AHNAK: variants seen among roughly 807,000 people sequenced by gnomAD.
The protein encoded by AHNAK is AHNAK nucleoprotein.
In AHNAK, 23 loss-of-function variants were observed where a neutral mutation model predicts 37.8. That is an observed-to-expected ratio of 0.61 (90% CI 0.44 to 0.86). The LOEUF (loss-of-function observed/expected upper bound fraction) is 0.86. Among genes scored for constraint, AHNAK ranks in the 40% least tolerant of loss-of-function variants. The pLI is 0.00. For synonymous variants in AHNAK, 2,481 were observed against 2,636.3 expected, an observed-to-expected ratio of 0.94 and a Z score of 1.80; for missense variants, 7,411 against 7,319.4, an observed-to-expected ratio of 1.01 and a Z score of -0.46.
chr11:62,515,267 C>T (rs889595580), downstream of AHNAK, among the ~76,000 whole-genome samples: 1 of 152,146 alleles, frequency 6.6e-6, no homozygotes, highest in Admixed American at 6.5e-5. Flanking sequence ...GCCTGTAATC[C>T]CAGTACTTTG....
intron 5 of AHNAK, among the ~76,000 whole-genome samples, chr11:62,446,914 C>A (rs1261638659): frequency 6.6e-6 from 1 of 152,080 alleles, no homozygotes; most frequent in Non-Finnish European, 1.5e-5. Context: ...CTGCCTCCTG[C>A]ACCCAGTGAT....
chr11:62,433,891 C>A lies in AHNAK; in HGVS notation c.443G>T (p.Gly148Val), dbSNP rs529615317. The A allele has an allele frequency of 1.6e-4, 260 of 1,613,574 alleles. No individual in the cohort carries two copies. The East Asian group carries it at 5.1e-3, about 31-fold the overall frequency. ...TTTTCTTCCTGGCCGCTTCTACAGT[C>A]CTGTAAAACAACAACAAAGAGATTT... Residue 148 changes from glycine to valine, a missense_variant and splice_region_variant, in exon 6 of 6, where the codon GGA becomes GTA. Gly to Val is a moderately radical substitution (Grantham distance 109). Transcript: ENST00000257247.
rs1940742796 is a variant in AHNAK, at chr11:62,531,385, A to G, written c.3032T>C (p.Leu1011Pro). The change falls in exon 5 of 5, where the codon CTC becomes CCC. Residue 1011 changes from leucine to proline, a missense_variant. Transcript: ENST00000378024. Reference sequence around the variant, plus strand: ...ATCAAATTCTGGCCCCTCTCCTTTGAGGCTGGGCATGCTAAATTTGGGCAT... The same window carrying G: ...ATCAAATTCTGGCCCCTCTCCTTTGGGGCTGGGCATGCTAAATTTGGGCAT... ...IKMPKFSMPSLKGEGPEFDVN... is the reference protein window; with the variant it reads ...IKMPKFSMPSPKGEGPEFDVN... 1 of 1,614,084 alleles carries G rather than the reference A, an allele frequency of 6.2e-7. No homozygotes were observed. Among genetic ancestry groups the G allele is most frequent in the Non-Finnish European group, 8.5e-7 (1 of 1,180,006 alleles).
chr11:62,499,466 G>A (rs1427898938), intron 4 of AHNAK, among the ~76,000 whole-genome samples: 1 of 152,102 alleles, frequency 6.6e-6, no homozygotes, highest in African/African-American at 2.4e-5. Context: ...CAAGAGAATC[G>A]CTTGAACCCG....
chr11:62,472,435 T>G (rs758794558), intron 5 of AHNAK, among the ~76,000 whole-genome samples: 27 of 152,108 alleles, frequency 1.8e-4, no homozygotes, highest in Non-Finnish European at 3.7e-4. Context: ...CTTAGGCTTT[T>G]GTCAACACCC....
At chr11:62,514,273 G>C (rs1209470415), downstream of AHNAK, among the ~76,000 whole-genome samples, 1 of 152,022 alleles carries the variant, frequency 6.6e-6, no homozygotes, top group Non-Finnish European at 1.5e-5. Flanking sequence ...TATCTCAAGC[G>C]GCATGCACAC....
intron 5 of AHNAK, among the ~76,000 whole-genome samples, chr11:62,453,553 G>C (rs1233004855): frequency 6.6e-6 from 1 of 152,160 alleles, no homozygotes; most frequent in Non-Finnish European, 1.5e-5. Flanking sequence ...CCCAGGACCT[G>C]AACTTGGCAC....
chr11:62,464,038 G>C (rs906126345), intron 5 of AHNAK, among the ~76,000 whole-genome samples: 2 of 151,586 alleles, frequency 1.3e-5, no homozygotes, highest in Non-Finnish European at 2.9e-5. Flanking sequence ...AAAGTGCTGG[G>C]ATTACAGGCT....
Position 62,523,742 on chromosome 11 carries a change from C to G in AHNAK, c.10675G>C (p.Gly3559Arg). Reference sequence around the variant, plus strand: ...TTGGGAAGAGAAATATCCACATCACCTTTCACCTTGGGGCCTTTCAAGTTT... The same window carrying G: ...TTGGGAAGAGAAATATCCACATCACGTTTCACCTTGGGGCCTTTCAAGTTT... ...DLNLKGPKVK[G>R]DVDISLPKLE... Residue 3559 changes from glycine to arginine, a missense_variant, in exon 5 of 5, where the codon GGT becomes CGT. Physicochemically the swap from Gly to Arg is moderately radical, Grantham distance 125 (BLOSUM62 -2). Coordinates refer to ENST00000378024, the MANE Select transcript of AHNAK (RefSeq NM_001620.3). 3 of 1,613,848 alleles carry G rather than the reference C, an allele frequency of 1.9e-6. No homozygotes were observed. The highest frequency in any genetic ancestry group is 2.5e-6 in the Non-Finnish European group (3 of 1,179,958).
In AHNAK at chr11:62,522,980, T is replaced by C. The variant is rs1265250777; in HGVS notation, c.11437A>G (p.Ser3813Gly). Residue 3813 changes from serine (S) to glycine (G), a missense_variant, in exon 5 of 5, where the codon AGC (serine) becomes GGC (glycine). Coordinates refer to ENST00000378024, the MANE Select transcript of AHNAK (RefSeq NM_001620.3). ...KMPKVKMPKF[S>G]MPGFKGEGPD... ...CCCTCTCCTTTGAAGCCAGGCATGC[T>C]GAACTTGGGCATTTTCACCTTGGGC... The C allele has an allele frequency of 6.2e-7, 1 of 1,613,792 alleles. No homozygotes were observed. The highest frequency in any genetic ancestry group is 8.5e-7 in the Non-Finnish European group (1 of 1,179,998).
chr11:62,507,026 C>T (rs776019127), intron 4 of AHNAK, among the ~76,000 whole-genome samples: 1 of 152,140 alleles, frequency 6.6e-6, no homozygotes, highest in African/African-American at 2.4e-5. Flanking sequence ...AAACCTCCCA[C>T]GCACACATCT....
At chr11:62,515,120 C>T (rs370623467), downstream of AHNAK, among the ~76,000 whole-genome samples, 213 of 152,316 alleles carry the variant, frequency 1.4e-3, no homozygotes, top group African/African-American at 4.8e-3. Context: ...CCCCCACATA[C>T]TGTCAACAGA....
At chr11:62,439,767 A>G (rs1938265140) in intron 5 of AHNAK, among the ~76,000 whole-genome samples, 1 of 147,800 alleles carries the variant, frequency 6.8e-6, no homozygotes, top group African/African-American at 2.5e-5. Context: ...TCCCGGGTTC[A>G]AGTGATTTTC....
chr11:62,482,233 G>A (rs890056391), intron 5 of AHNAK, among the ~76,000 whole-genome samples: 9 of 152,130 alleles, frequency 5.9e-5, no homozygotes, highest in Admixed American at 3.3e-4. Context: ...TGGCCAACAT[G>A]GGGAAACCCC....
chr11:62,460,506 G>A (rs1938760038), intron 5 of AHNAK, among the ~76,000 whole-genome samples: 2 of 152,324 alleles, frequency 1.3e-5, no homozygotes, highest in South Asian at 4.1e-4. Flanking sequence ...GTAGCAGGGG[G>A]CGGCTGGGGT....
At chr11:62,477,673 G>T (rs1049005886) in intron 5 of AHNAK, among the ~76,000 whole-genome samples, 5 of 152,086 alleles carry the variant, frequency 3.3e-5, no homozygotes, top group African/African-American at 1.2e-4. Flanking sequence ...ATGGTGGCCG[G>T]CGCCTGTAGT....
chr11:62,506,013 CAAAAAAAAAAAA>C (rs10608015), intron 4 of AHNAK, among the ~76,000 whole-genome samples: 3 of 43,072 alleles, frequency 7.0e-5, no homozygotes, highest in African/African-American at 1.1e-4. Context: ...CTGTCTCTAC[CAAAAAAAAAAAA>C]AAAAAAAAAA....
Position 62,530,191 on chromosome 11 carries a change from G to A in AHNAK, c.4226C>T (p.Ala1409Val), listed in dbSNP as rs758972124. The A allele has an allele frequency of 1.9e-6, 3 of 1,612,946 alleles. No individual in the cohort carries two copies. The highest frequency in any genetic ancestry group is 2.5e-6 in the Non-Finnish European group (3 of 1,179,786). ...GPEVDVKLPK[A>V]DVDVSGPKMD... ...TTTGGGTCCTGAGACATCAACGTCA[G>A]CTTTGGGCAGCTTCACATCCACTTC... Residue 1409 changes from alanine to valine, a missense_variant, in exon 5 of 5, where the codon GCT becomes GTT. By Grantham distance (64) the Ala-to-Val change is moderately conservative. Coordinates refer to ENST00000378024, the MANE Select transcript of AHNAK (RefSeq NM_001620.3).
chr11:62,536,959 AT>A (rs112312117), intron 1 of AHNAK, among the ~76,000 whole-genome samples: 11,879 of 144,716 alleles, frequency 0.082, 977 homozygotes, highest in African/African-American at 0.22. Flanking sequence ...TATTTTATTT[AT>A]TTTTTTTTTT....
Sources: allele counts gnomAD v4.1 joint callset (sites outside exome capture counted in the v4.1 genomes callset), GRCh38; gene constraint gnomAD v4.1.1; transcripts MANE v1.5; gene names NCBI Gene and HGNC (gene_info 2026-07-23, HGNC 2026-07-21).